The following GALNT7 variants were observed in gnomAD, a reference collection of about 807,000 sequenced individuals.
The protein encoded by GALNT7 is polypeptide N-acetylgalactosaminyltransferase 7, also known as N-acetylgalactosaminyltransferase 7.
Under a neutral mutation model 82.1 loss-of-function variants are expected in GALNT7, and 60 were observed. The ratio of observed to expected loss-of-function variants is 0.73; its 90% CI spans 0.59 to 0.91. GALNT7 has a LOEUF of 0.91. Among genes scored for constraint, GALNT7 ranks in the 40% least tolerant of loss-of-function variants. GALNT7 has a pLI of 0.00. For missense variants in GALNT7, 660 were observed against 804.2 expected, an observed-to-expected ratio of 0.82 and a Z score of 2.17; for synonymous variants, 243 against 275.1, an observed-to-expected ratio of 0.88 and a Z score of 1.15.
chr4:173,243,584 C>T (rs1159146866), intron 1 of GALNT7, among the ~76,000 whole-genome samples: 2 of 152,156 alleles, frequency 1.3e-5, no homozygotes, highest in Non-Finnish European at 2.9e-5. Context: ...TAAAGTATTA[C>T]ACCACTTTAT....
chr4:173,169,288 C>T (rs1231721144), intron 1 of GALNT7: 1 of 149,110 alleles, frequency 6.7e-6, no homozygotes, highest in Non-Finnish European at 1.5e-5. Context: ...AGAGCCGGGT[C>T]CGGGGGGCTG....
chr4:173,241,174 C>G (rs1734418270), intron 1 of GALNT7, among the ~76,000 whole-genome samples: 1 of 148,610 alleles, frequency 6.7e-6, no homozygotes, highest in Non-Finnish European at 1.5e-5. Context: ...AGTTCAAGAC[C>G]AGCCTGGGCA....
rs1238471074 is a variant in GALNT7, at chr4:173,178,042, T to TGG, written c.126+9082_126+9083insGG. ...GTGTGTGTGTGTGTGTGTGTGTGTGTGTGTGTGTGTGCGCGCACGCGCGTG... is the reference window on the plus strand; with the variant it reads ...GTGTGTGTGTGTGTGTGTGTGTGTGTGGGTGTGTGTGTGCGCGCACGCGCGTG... On this transcript the variant is annotated intron_variant, in intron 1 of 11. Transcript: ENST00000265000. Among the ~76,000 whole-genome samples the TGG allele has an allele frequency of 3.4e-5, 4 of 117,666 alleles. No homozygotes were observed. In the East Asian group the frequency reaches 1.1e-3, roughly 32 times the overall value. The allele number at this position is 117,666 out of a possible 152,430, so 77.2% of individuals were successfully genotyped here.
At chr4:173,202,975 A>G (rs1479180429) in intron 1 of GALNT7, among the ~76,000 whole-genome samples, 1 of 151,106 alleles carries the variant, frequency 6.6e-6, no homozygotes. Context: ...AAATATAGCT[A>G]CCCTGAAAGT....
intron 2 of GALNT7, among the ~76,000 whole-genome samples, chr4:173,279,199 G>T (rs146576263): frequency 6.6e-6 from 1 of 152,122 alleles, no homozygotes; most frequent in African/African-American, 2.4e-5. Context: ...GCCTGGCTTT[G>T]GGGGAGGCCT....
At chr4:173,251,900 A>T (rs1417499552) in intron 2 of GALNT7, among the ~76,000 whole-genome samples, 4 of 152,226 alleles carry the variant, frequency 2.6e-5, no homozygotes, top group Non-Finnish European at 5.9e-5. Context: ...GCCCAAATAT[A>T]ATAAATCCCA....
chr4:173,283,088 G>A (rs1211612396), intron 2 of GALNT7, among the ~76,000 whole-genome samples: 2 of 152,208 alleles, frequency 1.3e-5, no homozygotes, highest in Non-Finnish European at 2.9e-5. Flanking sequence ...AGTCTAAAAT[G>A]TAGGCAAGAA....
intron 8 of GALNT7, among the ~76,000 whole-genome samples, chr4:173,310,475 C>T: frequency 6.6e-6 from 1 of 152,162 alleles, no homozygotes; most frequent in East Asian, 1.9e-4. Flanking sequence ...CTTCAGTCTA[C>T]CCTCCACTCA....
At chr4:173,317,515 A>G in intron 9 of GALNT7, 119 bp from the exon 10 acceptor site, 1 of 675,848 alleles carries the variant, frequency 1.5e-6, no homozygotes, top group Admixed American at 2.3e-5. Context: ...CTGTCACTAC[A>G]CATACCCAGA....
At chr4:173,312,622 A>G (rs1236689180) in intron 8 of GALNT7, among the ~76,000 whole-genome samples, 3 of 152,244 alleles carry the variant, frequency 2.0e-5, no homozygotes, top group Non-Finnish European at 2.9e-5. Context: ...ATCACATGCA[A>G]ATTATCACTC....
At chr4:173,271,515 G>A (rs1735723969) in intron 2 of GALNT7, among the ~76,000 whole-genome samples, 1 of 152,050 alleles carries the variant, frequency 6.6e-6, no homozygotes, top group Non-Finnish European at 1.5e-5. Context: ...GTGCAGTGGT[G>A]GGATCTCAGC....
intron 1 of GALNT7, among the ~76,000 whole-genome samples, chr4:173,243,274 G>C (rs1734495979): frequency 1.3e-5 from 2 of 152,186 alleles, no homozygotes; most frequent in Admixed American, 1.3e-4. Context: ...GGGGCACTTT[G>C]TAAGTTGTAA....
At chr4:173,209,318 G>A (rs182155803) in intron 1 of GALNT7, among the ~76,000 whole-genome samples, 109 of 152,284 alleles carry the variant, frequency 7.2e-4, no homozygotes, top group South Asian at 1.5e-3. Context: ...GGCTGCCTTG[G>A]TCAGCCCACG....
intron 2 of GALNT7, among the ~76,000 whole-genome samples, chr4:173,289,951 G>C (rs1437499871): frequency 1.3e-5 from 2 of 152,124 alleles, no homozygotes; most frequent in Non-Finnish European, 2.9e-5. Context: ...AAAGATTGTG[G>C]GGTGAAGAAT....
chr4:173,179,440 T>C (rs1355737190), intron 1 of GALNT7, among the ~76,000 whole-genome samples: 1 of 152,228 alleles, frequency 6.6e-6, no homozygotes, highest in African/African-American at 2.4e-5. Context: ...GCTAGAAGCC[T>C]GGGCAATATA....
At chr4:173,243,255 G>A (rs1579948014) in intron 1 of GALNT7, among the ~76,000 whole-genome samples, 1 of 152,146 alleles carries the variant, frequency 6.6e-6, no homozygotes, top group Non-Finnish European at 1.5e-5. Context: ...CAGGATTTGG[G>A]GGTAAGAAGG....
intron 3 of GALNT7, among the ~76,000 whole-genome samples, chr4:173,294,435 A>G (rs1418272927): frequency 2.6e-5 from 4 of 152,168 alleles, no homozygotes; most frequent in Non-Finnish European, 5.9e-5. Flanking sequence ...CTTACTAATA[A>G]TAAATGCCCT....
At chr4:173,240,891 C>T (rs532147899) in intron 1 of GALNT7, among the ~76,000 whole-genome samples, 2 of 151,996 alleles carry the variant, frequency 1.3e-5, no homozygotes, top group Non-Finnish European at 2.9e-5. Flanking sequence ...GAGGAAGAAG[C>T]TCTGTGGGGG....
chr4:173,297,958 CAT>C, intron 5 of GALNT7, 155 bp from the exon 6 acceptor site: 8 of 1,477,894 alleles, frequency 5.4e-6, no homozygotes, highest in Non-Finnish European at 7.1e-6. Flanking sequence ...CAAAAGAAAA[CAT>C]AAAACTGAAC....
Sources: gnomAD v4.1 joint callset for allele counts (sites outside exome capture counted in the v4.1 genomes callset) on GRCh38, gnomAD v4.1.1 for gene constraint, MANE v1.5 for transcripts, NCBI Gene and HGNC (gene_info 2026-07-23, HGNC 2026-07-21) for gene names.